The following TUSC3 variants were observed in gnomAD, a reference collection of about 807,000 sequenced individuals.
TUSC3 encodes the protein dolichyl-diphosphooligosaccharide--protein glycosyltransferase subunit TUSC3.
Under a neutral mutation model 44.8 loss-of-function variants are expected in TUSC3, and 45 were observed. That is an observed-to-expected ratio of 1.00 (90% CI 0.79 to 1.29). The LOEUF is 1.29. Ranked by LOEUF, TUSC3 falls within the 50% of genes most tolerant of loss-of-function variation. The pLI, the probability that TUSC3 is intolerant of heterozygous loss-of-function variation, is 0.00. For missense variants in TUSC3, 519 were observed against 437.9 expected (o/e 1.19, Z -1.65); for synonymous variants, 212 against 152.9 (o/e 1.39, Z -2.85).
At chr8:15,601,784 T>C (rs1410548250) in intron 1 of TUSC3, among the ~76,000 whole-genome samples, 2 of 151,702 alleles carry the variant, frequency 1.3e-5, no homozygotes, top group Non-Finnish European at 3.0e-5. Context: ...TTAAGAGCTT[T>C]CCTGAGTTTC....
At chr8:15,784,350 T>G in the TUSC3 span, among the ~76,000 whole-genome samples, 1 of 152,028 alleles carries the variant, frequency 6.6e-6, no homozygotes, top group Non-Finnish European at 1.5e-5. Context: ...GAAAATAAAA[T>G]GTGGAAAAAC....
At chr8:15,803,279 G>C in the TUSC3 span, among the ~76,000 whole-genome samples, 1 of 152,054 alleles carries the variant, frequency 6.6e-6, no homozygotes, top group Non-Finnish European at 1.5e-5. Context: ...AAAAATTAAA[G>C]CCTAATATTG....
intron 2 of TUSC3, among the ~76,000 whole-genome samples, chr8:15,508,622 C>T (rs1019595990): frequency 8.6e-5 from 13 of 151,724 alleles, no homozygotes; most frequent in African/African-American, 1.9e-4. Context: ...CCACCATGCC[C>T]GGCTAATTTT....
intron 1 of TUSC3, among the ~76,000 whole-genome samples, chr8:15,480,440 A>C (rs1000344100): frequency 6.6e-6 from 1 of 152,242 alleles, no homozygotes; most frequent in African/African-American, 2.4e-5. Flanking sequence ...TAGTGGTTTA[A>C]ACAACAGATA....
intron 2 of TUSC3, among the ~76,000 whole-genome samples, chr8:15,511,077 G>C (rs1426189623): frequency 1.3e-5 from 2 of 152,098 alleles, no homozygotes; most frequent in Non-Finnish European, 2.9e-5. Flanking sequence ...TCCTCTACCC[G>C]ATAAAGGACA....
At chr8:15,671,188 T>C (rs527249792) in intron 5 of TUSC3, among the ~76,000 whole-genome samples, 156 of 152,128 alleles carry the variant, frequency 1.0e-3, no homozygotes, top group African/African-American at 3.6e-3. Flanking sequence ...AGAAAATGTT[T>C]CTTACCTTGG....
chr8:15,842,679 T>C, the TUSC3 span, among the ~76,000 whole-genome samples: 3 of 152,196 alleles, frequency 2.0e-5, no homozygotes, highest in South Asian at 2.1e-4. Context: ...CTACCGTTCC[T>C]GCTTCCTAAG....
At chr8:15,501,049 A>G (rs1800957482) in intron 2 of TUSC3, among the ~76,000 whole-genome samples, 1 of 151,674 alleles carries the variant, frequency 6.6e-6, no homozygotes, top group South Asian at 2.1e-4. Context: ...TCCTTGACCC[A>G]CCCAAGTCTA....
intron 7 of TUSC3, among the ~76,000 whole-genome samples, chr8:15,731,369 CATT>C (rs1563194768): frequency 6.6e-6 from 1 of 152,102 alleles, no homozygotes; most frequent in East Asian, 1.9e-4. Context: ...CATTGATTCT[CATT>C]ATGAGAATGT....
At chr8:15,598,391 G>T (rs1023909981) in intron 1 of TUSC3, among the ~76,000 whole-genome samples, 1 of 151,774 alleles carries the variant, frequency 6.6e-6, no homozygotes, top group Non-Finnish European at 1.5e-5. Flanking sequence ...CCACACATGC[G>T]TCATCTCCAT....
intron 3 of TUSC3, 116 bp from the exon 4 acceptor site, chr8:15,659,391 C>G (rs1250622869): frequency 1.5e-6 from 2 of 1,332,242 alleles, no homozygotes; most frequent in African/African-American, 1.5e-5. Flanking sequence ...TCTGGAAAAC[C>G]ACTTGGATTT....
the TUSC3 span, among the ~76,000 whole-genome samples, chr8:15,773,495 A>G: frequency 4.6e-5 from 7 of 152,218 alleles, no homozygotes; most frequent in African/African-American, 7.2e-5. Context: ...GTTGAAAAAC[A>G]TAATACTGTT....
At chr8:15,693,606 A>C (rs949759535) in intron 6 of TUSC3, among the ~76,000 whole-genome samples, 9 of 150,900 alleles carry the variant, frequency 6.0e-5, no homozygotes, top group Non-Finnish European at 1.2e-4. Context: ...TTTTGACCTT[A>C]GAGAATCTCA....
chr8:15,683,027 T>C (rs1808488623), intron 6 of TUSC3, among the ~76,000 whole-genome samples: 1 of 152,200 alleles, frequency 6.6e-6, no homozygotes, highest in Non-Finnish European at 1.5e-5. Context: ...TATGTTAGCC[T>C]GATGAGGTTC....
intron 1 of TUSC3, among the ~76,000 whole-genome samples, chr8:15,605,112 C>T (rs761427374): frequency 1.8e-4 from 27 of 151,792 alleles, no homozygotes; most frequent in African/African-American, 6.3e-4. Flanking sequence ...GAAACATCCT[C>T]ATTTTCTCAA....
chr8:15,707,349 A>G (rs1809659583), intron 6 of TUSC3, among the ~76,000 whole-genome samples: 1 of 151,982 alleles, frequency 6.6e-6, no homozygotes, highest in Admixed American at 6.6e-5. Context: ...GAGTCACATC[A>G]TATAGTCTGT....
At chr8:15,717,510 T>G (rs1447547074) in intron 6 of TUSC3, among the ~76,000 whole-genome samples, 7 of 152,062 alleles carry the variant, frequency 4.6e-5, no homozygotes, top group Non-Finnish European at 5.9e-5. Context: ...AGATAAACAG[T>G]TTTGCTTTCC....
intron 2 of TUSC3, among the ~76,000 whole-genome samples, chr8:15,533,973 C>T (rs578044897): frequency 1.8e-4 from 28 of 152,172 alleles, no homozygotes; most frequent in African/African-American, 1.4e-4. Context: ...TTAGCCATTA[C>T]GCAGATGGCC....
downstream of TUSC3, among the ~76,000 whole-genome samples, chr8:15,769,772 A>C (rs193197706): frequency 1.3e-5 from 2 of 152,198 alleles, no homozygotes; most frequent in Non-Finnish European, 2.9e-5. Context: ...ATGAACAGAC[A>C]CTTTTCAAAA....
Sources: gnomAD v4.1 joint callset for allele counts (sites outside exome capture counted in the v4.1 genomes callset) on GRCh38, gnomAD v4.1.1 for gene constraint, MANE v1.5 for transcripts, NCBI Gene and HGNC (gene_info 2026-07-23, HGNC 2026-07-21) for gene names.